Variants in SMOC1 observed in about 807,000 individuals in gnomAD.
The protein encoded by SMOC1 is SPARC related modular calcium binding 1.
Under a neutral mutation model 56.3 loss-of-function variants are expected in SMOC1, and 22 were observed. That is an observed-to-expected ratio of 0.39 (90% confidence interval 0.28 to 0.56). The LOEUF (loss-of-function observed/expected upper bound fraction) is 0.56. Among genes scored for constraint, SMOC1 ranks in the 20% least tolerant of loss-of-function variants. SMOC1 has a pLI of 0.61. For synonymous variants in SMOC1, 193 were observed against 215.0 expected, an observed-to-expected ratio of 0.90 and a Z score of 0.89; for missense variants, 509 against 565.4, an observed-to-expected ratio of 0.90 and a Z score of 1.01.
At chr14:69,961,897 C>T (rs1883396659) in intron 3 of SMOC1, among the ~76,000 whole-genome samples, 1 of 152,152 alleles carries the variant, frequency 6.6e-6, no homozygotes, top group African/African-American at 2.4e-5. Flanking sequence ...TCCAGTTTCT[C>T]CACATCCTTG....
chr14:69,883,751 T>C (rs1883710887), intron 1 of SMOC1, among the ~76,000 whole-genome samples: 1 of 152,202 alleles, frequency 6.6e-6, no homozygotes, highest in Non-Finnish European at 1.5e-5. Flanking sequence ...ACCAACAGTA[T>C]GTGAGAACTC....
intron 3 of SMOC1, among the ~76,000 whole-genome samples, chr14:69,955,182 A>G (rs1278576448): frequency 1.3e-5 from 2 of 152,174 alleles, no homozygotes; most frequent in African/African-American, 4.8e-5. Context: ...TCAGACTCAC[A>G]AATCCCTAAG....
intron 1 of SMOC1, among the ~76,000 whole-genome samples, chr14:69,944,265 A>G (rs1882693891): frequency 1.3e-5 from 2 of 152,166 alleles, no homozygotes; most frequent in Admixed American, 6.5e-5. Flanking sequence ...GGCTCATTAC[A>G]GGGATCCCGA....
intron 5 of SMOC1, among the ~76,000 whole-genome samples, chr14:69,979,816 G>A (rs1311168059): frequency 6.6e-6 from 1 of 152,146 alleles, no homozygotes. Context: ...TGGGCATGAG[G>A]TCCTGGTAGT....
intron 10 of SMOC1, among the ~76,000 whole-genome samples, chr14:70,014,479 C>A (rs1215426571): frequency 6.6e-6 from 1 of 152,158 alleles, no homozygotes; most frequent in African/African-American, 2.4e-5. Context: ...CAAGAAAGTG[C>A]ATGTCTGTGG....
Position 69,920,456 on chromosome 14 carries a change from A to G in SMOC1, c.100-31682A>G, listed in dbSNP as rs1316838251. ...GCTAGAACTAGGACGTAGAATCATA[A>G]TTTATGTGCTCATACATCTCAACAG... On this transcript the variant is annotated intron_variant, in intron 1 of 11. Coordinates refer to ENST00000361956, the MANE Select transcript of SMOC1 (RefSeq NM_001034852.3). Among the ~76,000 whole-genome samples the G allele has an allele frequency of 3.3e-5, 5 of 152,332 alleles. No individual in the cohort carries two copies. The East Asian group carries it at 9.6e-4, about 29-fold the overall frequency.
chr14:69,956,286 A>G (rs1883182320), intron 3 of SMOC1, among the ~76,000 whole-genome samples: 1 of 152,192 alleles, frequency 6.6e-6, no homozygotes. Context: ...TCCCAGCTAC[A>G]GTGATTGAAA....
chr14:70,011,617 C>T (rs1885345631), intron 9 of SMOC1, 50 bp downstream of exon 9: 3 of 1,516,698 alleles, frequency 2.0e-6, no homozygotes, highest in African/African-American at 1.4e-5. Context: ...TCTGTTCCTC[C>T]ACCCTCTCAT....
At chr14:69,880,865 C>T (rs1252709249) in intron 1 of SMOC1, among the ~76,000 whole-genome samples, 1 of 152,234 alleles carries the variant, frequency 6.6e-6, no homozygotes, top group African/African-American at 2.4e-5. Flanking sequence ...ATAGCTTTTA[C>T]TATATGAGAA....
chr14:70,030,273 A>G lies in SMOC1; in HGVS notation c.*15A>G, dbSNP rs1187858887. 2.5e-6 allele frequency: 4 copies of G among 1,610,118 alleles called. No individual in the cohort carries two copies. The highest frequency in any genetic ancestry group is 1.7e-6 in the Non-Finnish European group (2 of 1,179,484). Reference sequence around the variant, plus strand: ...GCCTCGTCTAAGGAGCAGAAAACCCAAGGGCAGGTGGAGAGTCCAGGGAGG... The same window carrying G: ...GCCTCGTCTAAGGAGCAGAAAACCCGAGGGCAGGTGGAGAGTCCAGGGAGG... On this transcript the variant is annotated 3_prime_UTR_variant, in exon 12 of 12. Transcript: ENST00000361956.
chr14:70,008,293 T>C (rs918608081), intron 7 of SMOC1, among the ~76,000 whole-genome samples: 1 of 152,120 alleles, frequency 6.6e-6, no homozygotes, highest in Non-Finnish European at 1.5e-5. Flanking sequence ...TCACACTGGC[T>C]ACTTTTTGTA....
intron 1 of SMOC1, among the ~76,000 whole-genome samples, chr14:69,944,381 A>T (rs2219532): frequency 0.24 from 36,946 of 151,878 alleles, 5,216 homozygotes; most frequent in East Asian, 0.39. Flanking sequence ...GGTAGGAAGG[A>T]GCTGCAGAGC....
chr14:69,948,730 G>T (rs1237867449), intron 1 of SMOC1, among the ~76,000 whole-genome samples: 1 of 152,118 alleles, frequency 6.6e-6, no homozygotes, highest in Non-Finnish European at 1.5e-5. Flanking sequence ...TCCAAAGAAA[G>T]AAGATGAACA....
chr14:69,959,180 C>T (rs941310670), intron 3 of SMOC1, among the ~76,000 whole-genome samples: 6 of 152,080 alleles, frequency 3.9e-5, no homozygotes, highest in Non-Finnish European at 7.4e-5. Flanking sequence ...ATATTATGGG[C>T]TTATTTCCCA....
chr14:69,921,587 G>A lies in SMOC1; in HGVS notation c.100-30551G>A, dbSNP rs539293383. Among the ~76,000 whole-genome samples the A allele has an allele frequency of 1.4e-3, 217 of 152,286 alleles. 1 individual carries two copies. Among genetic ancestry groups the A allele is most frequent in the African/African-American group, 4.9e-3 (204 of 41,570 alleles). ...GTGAGTAGACTAGTCTGCAAGAGGC[G>A]TGAAAGAAATGCCTGGTCTGTGTGG... On this transcript the variant is annotated intron_variant, in intron 1 of 11. Transcript: ENST00000361956.
At chr14:69,907,045 A>G (rs1594795857) in intron 1 of SMOC1, among the ~76,000 whole-genome samples, 1 of 152,322 alleles carries the variant, frequency 6.6e-6, no homozygotes, top group East Asian at 1.9e-4. Context: ...AGTTAGGTGG[A>G]AACAGTCATA....
At chr14:70,009,234 C>T (rs946489123) in intron 7 of SMOC1, among the ~76,000 whole-genome samples, 14 of 152,090 alleles carry the variant, frequency 9.2e-5, no homozygotes, top group African/African-American at 9.7e-5. Flanking sequence ...TTTTTATGCC[C>T]CTAAGGAAAT....
chr14:69,923,635 C>A (rs1884911167), intron 1 of SMOC1, among the ~76,000 whole-genome samples: 1 of 152,164 alleles, frequency 6.6e-6, no homozygotes, highest in African/African-American at 2.4e-5. Flanking sequence ...TAGATCCATA[C>A]CCTGGTGACT....
At chr14:69,944,211 C>G (rs1882692426) in intron 1 of SMOC1, among the ~76,000 whole-genome samples, 1 of 152,152 alleles carries the variant, frequency 6.6e-6, no homozygotes, top group South Asian at 2.1e-4. Flanking sequence ...ATTTTAATCA[C>G]AATTATGGCA....
Sources: gnomAD v4.1 joint callset for allele counts (sites outside exome capture counted in the v4.1 genomes callset) on GRCh38, gnomAD v4.1.1 for gene constraint, MANE v1.5 for transcripts, NCBI Gene and HGNC (gene_info 2026-07-23, HGNC 2026-07-21) for gene names.